The following XYLT1 variants were observed in gnomAD, a reference collection of about 807,000 sequenced individuals.
The protein encoded by XYLT1 is beta-D-xylosyltransferase 1.
XYLT1 carries 36 observed loss-of-function variants against 91.3 expected under a neutral mutation model. The ratio of observed to expected loss-of-function variants is 0.39; its 90% CI spans 0.30 to 0.52. XYLT1 has a LOEUF of 0.52. Ranked by LOEUF, XYLT1 falls within the 20% of genes least tolerant of loss-of-function variation. The pLI, the probability that XYLT1 is intolerant of heterozygous loss-of-function variation, is 0.68. For missense variants in XYLT1, 1,242 were observed against 1,284.5 expected (o/e 0.97, Z 0.51); for synonymous variants, 588 against 532.0 (o/e 1.11, Z -1.45).
Position 17,259,504 on chromosome 16 carries a change from G to A in XYLT1, c.403-6C>T, listed in dbSNP as rs1165917970. On this transcript the variant is annotated splice_region_variant and splice_polypyrimidine_tract_variant and intron_variant, in intron 2 of 11. Coordinates refer to ENST00000261381, the MANE Select transcript of XYLT1 (RefSeq NM_022166.4). ...CGATGAGAAAAGTAGCCATCCTGGA[G>A]AAGAGGGGAGAGAAACAGAAGAGAA... The A allele has an allele frequency of 1.2e-6, 2 of 1,601,830 alleles. No homozygotes were observed. The highest frequency in any genetic ancestry group is 1.1e-5 in the South Asian group (1 of 90,996).
At chr16:17,182,903 C>A (rs2032102528) in intron 5 of XYLT1, among the ~76,000 whole-genome samples, 1 of 152,084 alleles carries the variant, frequency 6.6e-6, no homozygotes, top group African/African-American at 2.4e-5. Context: ...GTTCCTAGGT[C>A]TATGCTTAGA....
intron 6 of XYLT1, among the ~76,000 whole-genome samples, chr16:17,150,180 C>T (rs552425899): frequency 3.3e-5 from 5 of 152,150 alleles, no homozygotes; most frequent in African/African-American, 9.7e-5. Flanking sequence ...GATGAGCTCG[C>T]GAGGATTCAG....
At chr16:17,391,288 C>T (rs984300993) in intron 1 of XYLT1, among the ~76,000 whole-genome samples, 5 of 152,128 alleles carry the variant, frequency 3.3e-5, no homozygotes, top group Non-Finnish European at 7.4e-5. Context: ...TTGACCCAGA[C>T]CCACCAACCA....
At position 17,282,684 on chromosome 16, in the gene XYLT1, C is replaced by A. The variant is rs906732403; in HGVS notation, c.403-23186G>T. Among the ~76,000 whole-genome samples the A allele has an allele frequency of 9.9e-5, 15 of 152,176 alleles. 2 individuals carry two copies. The highest frequency in any genetic ancestry group is 7.2e-4 in the Admixed American group (11 of 15,280). Reference sequence around the variant, plus strand: ...CATGGTGTAACTGTGAAAATGAGAACCTCCCAGGGGCTGCAAGACCTGGTT... The same window carrying A: ...CATGGTGTAACTGTGAAAATGAGAAACTCCCAGGGGCTGCAAGACCTGGTT... On this transcript the variant is annotated intron_variant, in intron 2 of 11. Coordinates refer to ENST00000261381, the MANE Select transcript of XYLT1 (RefSeq NM_022166.4).
Position 17,247,463 on chromosome 16 carries a change from G to A in XYLT1, c.913+11525C>T, listed in dbSNP as rs192187055. On this transcript the variant is annotated intron_variant, in intron 3 of 11. Coordinates refer to ENST00000261381, the MANE Select transcript of XYLT1 (RefSeq NM_022166.4). Reference sequence around the variant, plus strand: ...TCCAGAACCACAAGAGCTGCCAATCGAGAGGTGGCCTATGGCTGACTTGTA... The same window carrying A: ...TCCAGAACCACAAGAGCTGCCAATCAAGAGGTGGCCTATGGCTGACTTGTA... Among the ~76,000 whole-genome samples the A allele has an allele frequency of 2.3e-3, 350 of 152,292 alleles. 3 individuals are homozygous for A. Among genetic ancestry groups the A allele is most frequent in the Middle Eastern group, 0.01 (3 of 294 alleles).
chr16:17,340,577 G>GGTA (rs1162357160), intron 2 of XYLT1, among the ~76,000 whole-genome samples: 1 of 152,202 alleles, frequency 6.6e-6, no homozygotes, highest in Non-Finnish European at 1.5e-5. Flanking sequence ...GTTCTGCGTA[G>GGTA]GTCCAAAGAC....
At chr16:17,232,114 TTATA>T (rs1162214091) in intron 3 of XYLT1, among the ~76,000 whole-genome samples, 1 of 145,170 alleles carries the variant, frequency 6.9e-6, no homozygotes, top group Non-Finnish European at 1.5e-5. Flanking sequence ...TAATCGATAA[TTATA>T]TATATTATAA....
chr16:17,313,735 G>A (rs1170473419), intron 2 of XYLT1, among the ~76,000 whole-genome samples: 4 of 151,878 alleles, frequency 2.6e-5, no homozygotes, highest in Admixed American at 1.3e-4. Flanking sequence ...ATTGGGAGTG[G>A]TTCTGCCCAG....
chr16:17,125,896 T>TAA (rs2030244426), intron 10 of XYLT1, among the ~76,000 whole-genome samples: 2 of 152,122 alleles, frequency 1.3e-5, no homozygotes, highest in African/African-American at 4.8e-5. Context: ...AGAATGAGCA[T>TAA]CTTTTATTTC....
At position 17,313,601 on chromosome 16, in the gene XYLT1, A is replaced by G. The variant is rs114323310; in HGVS notation, c.402+44411T>C. ...GGACTGTGGGTGAATTCTTTCCTTC[A>G]ACAGCATTGATGCTGCTATAATGCT... On this transcript the variant is annotated intron_variant, in intron 2 of 11. Coordinates refer to ENST00000261381, the MANE Select transcript of XYLT1 (RefSeq NM_022166.4). Among the ~76,000 whole-genome samples, 535 of 152,194 alleles carry G rather than the reference A, an allele frequency of 3.5e-3. 5 individuals are homozygous for G. The highest frequency in any genetic ancestry group is 0.012 in the African/African-American group (517 of 41,534).
In XYLT1 at chr16:17,103,978, A is replaced by G. The variant is rs1966741503; in HGVS notation, c.*4717T>C. On this transcript the variant is annotated 3_prime_UTR_variant, in exon 12 of 12. Transcript: ENST00000261381. ...AGAGGAAGAGAGAGAGGAGAGAGAG[A>G]ATTTGCATAGATCATACATTCAGCT... 3 of 152,732 alleles carry G rather than the reference A, an allele frequency of 2.0e-5. No homozygotes were observed. The highest frequency in any genetic ancestry group is 4.4e-5 in the Non-Finnish European group (3 of 68,176). The allele number at this position is 152,732 out of a possible 1,614,324, so 9.5% of individuals were successfully genotyped here. A position where few individuals can be genotyped will look rare whatever the true frequency, so the allele number is the denominator to read the frequency against.
chr16:17,411,638 G>C (rs1389646263), intron 1 of XYLT1, among the ~76,000 whole-genome samples: 2 of 152,172 alleles, frequency 1.3e-5, no homozygotes, highest in Non-Finnish European at 2.9e-5. Context: ...CTCTGAGTTT[G>C]GGGGTCACTG....
Position 17,200,641 on chromosome 16 carries a change from C to G in XYLT1, c.927G>C (p.Lys309Asn), listed in dbSNP as rs1368460695. Residue 309 changes from lysine to asparagine, a missense_variant, in exon 4 of 12, where the codon AAG (lysine) becomes AAC (asparagine). Physicochemically the swap from Lys to Asn is moderately conservative, Grantham distance 94. Coordinates refer to ENST00000261381, the MANE Select transcript of XYLT1 (RefSeq NM_022166.4). Reference sequence around the variant, plus strand: ...CGGAGTCCTCGTCCCACTGCACGTTCTTGTTGGCTTTACCTGGGGAAAATC... The same window carrying G: ...CGGAGTCCTCGTCCCACTGCACGTTGTTGTTGGCTTTACCTGGGGAAAATC... ...RFCPLEGKAN[K>N]NVQWDEDSVE... 2 of 1,613,146 alleles carry G rather than the reference C, an allele frequency of 1.2e-6. No individual in the cohort carries two copies. The highest frequency in any genetic ancestry group is 1.7e-6 in the Non-Finnish European group (2 of 1,179,184).
intron 10 of XYLT1, among the ~76,000 whole-genome samples, chr16:17,118,291 A>AATGAATGAATG (rs1181831986): frequency 2.0e-5 from 3 of 152,040 alleles, no homozygotes; most frequent in Non-Finnish European, 4.4e-5. Context: ...TGAACGAATG[A>AATGAATGAATG]ATGAATGAAT....
intron 2 of XYLT1, among the ~76,000 whole-genome samples, chr16:17,270,261 G>A (rs951090960): frequency 6.6e-6 from 1 of 152,176 alleles, no homozygotes; most frequent in Non-Finnish European, 1.5e-5. Context: ...TATGTTTGAC[G>A]CAGCCCAAGG....
At chr16:17,388,698 C>T (rs898169289) in intron 1 of XYLT1, among the ~76,000 whole-genome samples, 1 of 152,150 alleles carries the variant, frequency 6.6e-6, no homozygotes, top group Non-Finnish European at 1.5e-5. Flanking sequence ...CCTGAAGCAT[C>T]TCAAAGGCTA....
intron 2 of XYLT1, among the ~76,000 whole-genome samples, chr16:17,330,253 A>G (rs1351658828): frequency 6.6e-6 from 1 of 152,214 alleles, no homozygotes; most frequent in Non-Finnish European, 1.5e-5. Context: ...AAATAAGTGC[A>G]AACAGCTGAT....
At chr16:17,327,629 G>A (rs1479714985) in intron 2 of XYLT1, among the ~76,000 whole-genome samples, 4 of 89,110 alleles carry the variant, frequency 4.5e-5, no homozygotes, top group Non-Finnish European at 9.4e-5. Flanking sequence ...CCCCCCCCCC[G>A]CCTCGGCCTC....
chr16:17,195,637 G>A (rs1012171593), intron 5 of XYLT1, among the ~76,000 whole-genome samples: 5 of 152,058 alleles, frequency 3.3e-5, no homozygotes, highest in East Asian at 3.9e-4. Context: ...GTAGAGATGG[G>A]GTTTCACCAT....
Sources: allele counts gnomAD v4.1 joint callset (sites outside exome capture counted in the v4.1 genomes callset), GRCh38; gene constraint gnomAD v4.1.1; transcripts MANE v1.5; gene names NCBI Gene and HGNC (gene_info 2026-07-23, HGNC 2026-07-21).